Variants in BLTP3B observed in about 807,000 individuals in gnomAD.
The protein encoded by BLTP3B is UHRF1 (ICBP90) binding protein 1-like.
chr12:100,095,091 A>G, the BLTP3B span, among the ~76,000 whole-genome samples: 2 of 152,354 alleles, frequency 1.3e-5, no homozygotes, highest in South Asian at 2.1e-4. Context: ...AAAGACCTTG[A>G]TGTACTGGTA....
chr12:100,118,815 G>A, the BLTP3B span, among the ~76,000 whole-genome samples: 454 of 152,260 alleles, frequency 3.0e-3, 1 homozygote, highest in Non-Finnish European at 5.4e-3. Flanking sequence ...TTATAATAAA[G>A]AAATCAGCTG....
the BLTP3B span, among the ~76,000 whole-genome samples, chr12:100,139,419 TCA>T: frequency 6.6e-6 from 1 of 152,190 alleles, no homozygotes; most frequent in South Asian, 2.1e-4. Flanking sequence ...TCATGTTGGT[TCA>T]CAGTCTTCCT....
the BLTP3B span, among the ~76,000 whole-genome samples, chr12:100,087,770 T>C: frequency 6.6e-6 from 1 of 152,236 alleles, no homozygotes; most frequent in Non-Finnish European, 1.5e-5. Flanking sequence ...AATAAAATCA[T>C]TCAATTTATT....
At chr12:100,085,319 C>G in the BLTP3B span, among the ~76,000 whole-genome samples, 24 of 151,316 alleles carry the variant, frequency 1.6e-4, no homozygotes, top group African/African-American at 5.6e-4. Flanking sequence ...GCAGTGATCA[C>G]ACCACTGCAC....
the BLTP3B span, chr12:100,047,622 C>T: frequency 1.9e-6 from 3 of 1,610,046 alleles, no homozygotes; most frequent in Non-Finnish European, 2.5e-6. Flanking sequence ...TACTGTACTA[C>T]TCCGGGGACT....
At chr12:100,093,225 G>T in the BLTP3B span, among the ~76,000 whole-genome samples, 1 of 152,136 alleles carries the variant, frequency 6.6e-6, no homozygotes, top group Non-Finnish European at 1.5e-5. Flanking sequence ...CCTCATGGAT[G>T]AATAATTTAT....
chr12:100,076,250 ATTTG>A, the BLTP3B span, among the ~76,000 whole-genome samples: 1 of 151,978 alleles, frequency 6.6e-6, no homozygotes, highest in Non-Finnish European at 1.5e-5. Flanking sequence ...AGTTTCATTT[ATTTG>A]TTTTAGTTTA....
At chr12:100,091,808 T>C in the BLTP3B span, among the ~76,000 whole-genome samples, 1 of 147,906 alleles carries the variant, frequency 6.8e-6, no homozygotes, top group African/African-American at 2.6e-5. Flanking sequence ...CCTGGCCAAA[T>C]CTTTTTTTTT....
chr12:100,102,017 G>T, the BLTP3B span, among the ~76,000 whole-genome samples: 1,537 of 152,100 alleles, frequency 0.01, 24 homozygotes, highest in African/African-American at 0.035. Flanking sequence ...TCAAGCTGGT[G>T]GCAAACTCCT....
the BLTP3B span, among the ~76,000 whole-genome samples, chr12:100,125,106 CG>C: frequency 6.7e-6 from 1 of 148,340 alleles, no homozygotes; most frequent in African/African-American, 2.5e-5. Flanking sequence ...CCGAGATGGG[CG>C]GATCATCCGA....
the BLTP3B span, among the ~76,000 whole-genome samples, chr12:100,069,137 A>G: frequency 1.3e-5 from 2 of 152,118 alleles, no homozygotes; most frequent in African/African-American, 4.8e-5. Context: ...GCTTGAACCC[A>G]GGAAGTGGAG....
At chr12:100,102,442 T>C in the BLTP3B span, among the ~76,000 whole-genome samples, 19,175 of 152,090 alleles carry the variant, frequency 0.13, 2,035 homozygotes, top group African/African-American at 0.29. Flanking sequence ...GTCATAAAAG[T>C]TCCACTGATG....
chr12:100,084,358 A>AT, the BLTP3B span: 1 of 1,114,840 alleles, frequency 9.0e-7, no homozygotes, highest in Middle Eastern at 2.2e-4. Flanking sequence ...AAAAATACTC[A>AT]TTTACAGGAA....
chr12:100,041,647 G>A, the BLTP3B span, among the ~76,000 whole-genome samples: 4 of 152,004 alleles, frequency 2.6e-5, no homozygotes, highest in Non-Finnish European at 4.4e-5. Context: ...ATGTTGGCCA[G>A]GATGGTCTCA....
chr12:100,135,562 C>T, the BLTP3B span, among the ~76,000 whole-genome samples: 3 of 152,068 alleles, frequency 2.0e-5, no homozygotes, highest in Admixed American at 6.6e-5. Context: ...ACACCACACC[C>T]GGCCTCAAAT....
chr12:100,132,521 G>T, the BLTP3B span, among the ~76,000 whole-genome samples: 1 of 152,144 alleles, frequency 6.6e-6, no homozygotes, highest in Non-Finnish European at 1.5e-5. Context: ...CTCTTTAAGT[G>T]TCCACTTCCC....
the BLTP3B span, among the ~76,000 whole-genome samples, chr12:100,112,768 G>A: frequency 6.6e-6 from 1 of 151,130 alleles, no homozygotes; most frequent in Non-Finnish European, 1.5e-5. Flanking sequence ...GCTGAGGCAG[G>A]AGAATTGCCT....
the BLTP3B span, among the ~76,000 whole-genome samples, chr12:100,055,543 G>A: frequency 1.3e-5 from 2 of 151,814 alleles, no homozygotes; most frequent in African/African-American, 2.4e-5. Context: ...TAGGCGTGGT[G>A]GTGGGTGCCT....
At chr12:100,135,264 C>CTT in the BLTP3B span, among the ~76,000 whole-genome samples, 1 of 141,084 alleles carries the variant, frequency 7.1e-6, no homozygotes, top group Non-Finnish European at 1.5e-5. Flanking sequence ...ATATTGCTTT[C>CTT]TTTTTTTTCT....
Sources: gnomAD v4.1 joint callset for allele counts (sites outside exome capture counted in the v4.1 genomes callset) on GRCh38, gnomAD v4.1.1 for gene constraint, MANE v1.5 for transcripts, NCBI Gene and HGNC (gene_info 2026-07-23, HGNC 2026-07-21) for gene names.